Variants in TCF4 observed in about 807,000 individuals in gnomAD.
TCF4 encodes SL3-3 enhancer factor 2.
A neutral mutation model predicts 82.1 loss-of-function variants in TCF4; 3 were observed. The observed-to-expected ratio is 0.04, with a 90% CI of 0.02 to 0.09. The LOEUF (loss-of-function observed/expected upper bound fraction) is 0.09, where lower values mean the gene tolerates loss of function less well. Ranked by LOEUF, TCF4 falls within the 10% of genes least tolerant of loss-of-function variation. The pLI, the probability that TCF4 is intolerant of heterozygous loss-of-function variation, is 1.00. For missense variants in TCF4, 518 were observed against 852.7 expected (o/e 0.61, Z 4.89); for synonymous variants, 276 against 309.6 (o/e 0.89, Z 1.14).
chr18:55,357,637 C>T (rs2083905885), intron 6 of TCF4, among the ~76,000 whole-genome samples: 1 of 152,164 alleles, frequency 6.6e-6, no homozygotes, highest in African/African-American at 2.4e-5. Flanking sequence ...AAAGGCATAT[C>T]AAACTGTCAC....
At chr18:55,528,761 GA>G (rs2097022922) in intron 3 of TCF4, among the ~76,000 whole-genome samples, 1 of 152,116 alleles carries the variant, frequency 6.6e-6, no homozygotes, top group African/African-American at 2.4e-5. Flanking sequence ...ATTCCAAAAA[GA>G]ATCTGAATGA....
chr18:55,292,762 GTA>G (rs1040347038), intron 8 of TCF4, among the ~76,000 whole-genome samples: 3 of 151,118 alleles, frequency 2.0e-5, no homozygotes, highest in Non-Finnish European at 4.4e-5. Context: ...ACATATATAC[GTA>G]TATATGTATA....
At chr18:55,431,620 C>A (rs1405094371) in intron 5 of TCF4, among the ~76,000 whole-genome samples, 1 of 152,078 alleles carries the variant, frequency 6.6e-6, no homozygotes, top group Non-Finnish European at 1.5e-5. Context: ...TGAGGACTAC[C>A]TGACCCATGC....
intron 5 of TCF4, among the ~76,000 whole-genome samples, chr18:55,441,315 A>G (rs781782306): frequency 4.6e-5 from 7 of 152,252 alleles, no homozygotes; most frequent in Non-Finnish European, 8.8e-5. Flanking sequence ...CCTTTGTTTC[A>G]GATAAAACTT....
intron 3 of TCF4, 54 bp from the exon 4 acceptor site, chr18:55,464,191 G>C: frequency 6.9e-7 from 1 of 1,455,350 alleles, no homozygotes; most frequent in South Asian, 1.1e-5. Context: ...TTTTCTTTTT[G>C]TATATGCACT....
At chr18:55,608,281 G>A (rs1233275245) in intron 2 of TCF4, among the ~76,000 whole-genome samples, 2 of 151,714 alleles carry the variant, frequency 1.3e-5, no homozygotes, top group African/African-American at 4.8e-5. Context: ...ACGTTAAATG[G>A]TCAACCATCT....
chr18:55,562,451 G>A (rs930225004), intron 3 of TCF4, among the ~76,000 whole-genome samples: 99 of 152,304 alleles, frequency 6.5e-4, no homozygotes, highest in African/African-American at 2.3e-3. Context: ...TTGAACCAGT[G>A]TCCTGCCAGT....
At chr18:55,265,685 C>G (rs1600719105) in intron 11 of TCF4, 1 of 152,114 alleles carries the variant, frequency 6.6e-6, no homozygotes, top group South Asian at 2.1e-4. Flanking sequence ...TATGTGACTA[C>G]TCTAATAATA....
intron 1 of TCF4, among the ~76,000 whole-genome samples, chr18:55,635,308 A>G (rs1431235754): frequency 6.6e-6 from 1 of 152,140 alleles, no homozygotes; most frequent in Non-Finnish European, 1.5e-5. Flanking sequence ...CAGGAATTCG[A>G]GGCCAGCCCA....
At chr18:55,549,461 A>C (rs562392703) in intron 3 of TCF4, among the ~76,000 whole-genome samples, 1 of 152,324 alleles carries the variant, frequency 6.6e-6, no homozygotes, top group South Asian at 2.1e-4. Context: ...AGCTGCACAA[A>C]ACATTTTTCT....
rs541424806 is a variant in TCF4, at chr18:55,398,645, C to T, written c.369+4809G>A. On this transcript the variant is annotated intron_variant, in intron 6 of 19. Coordinates refer to ENST00000354452, the MANE Select transcript of TCF4 (RefSeq NM_001083962.2). The stretch of plus-strand genomic sequence containing the variant: ...TGGGAGAGTGCAGTTTTCTGGTTTT[C>T]GTAGGCATGAAAAAGATGCTCACAA... Among the ~76,000 whole-genome samples the T allele has an allele frequency of 5.3e-5, 8 of 152,210 alleles. No homozygotes were observed. In the South Asian group the frequency reaches 1.0e-3, roughly 20 times the overall value.
chr18:55,302,413 T>C (rs2068609941), intron 8 of TCF4: 1 of 1,536,354 alleles, frequency 6.5e-7, no homozygotes, highest in African/African-American at 1.4e-5. Context: ...ACTCTGACCT[T>C]ACCTCTGCTT....
intron 3 of TCF4, among the ~76,000 whole-genome samples, chr18:55,488,818 C>T (rs1351988182): frequency 2.0e-5 from 3 of 152,104 alleles, no homozygotes; most frequent in African/African-American, 4.8e-5. Context: ...GTAGCTTCCA[C>T]GTAAAGAAGA....
intron 6 of TCF4, among the ~76,000 whole-genome samples, chr18:55,389,549 G>A (rs1383336920): frequency 6.6e-6 from 1 of 152,162 alleles, no homozygotes; most frequent in African/African-American, 2.4e-5. Context: ...AGAAGGGGAG[G>A]CAAGGCAAAG....
chr18:55,384,027 C>T (rs757681935), intron 6 of TCF4: 25 of 152,202 alleles, frequency 1.6e-4, no homozygotes, highest in Admixed American at 6.5e-5. Context: ...CTCATGTCTT[C>T]CTCTACTAAG....
chr18:55,610,703 G>A (rs1012181459), intron 2 of TCF4, among the ~76,000 whole-genome samples: 2 of 152,198 alleles, frequency 1.3e-5, no homozygotes, highest in Admixed American at 1.3e-4. Flanking sequence ...ACCCAGGGAA[G>A]TGGTTCACAT....
chr18:55,340,944 C>A (rs1021571799), intron 8 of TCF4, among the ~76,000 whole-genome samples: 1 of 152,156 alleles, frequency 6.6e-6, no homozygotes, highest in African/African-American at 2.4e-5. Context: ...CATACTCTAA[C>A]CACTATATTA....
At chr18:55,263,309 T>C (rs2058434214) in intron 11 of TCF4, among the ~76,000 whole-genome samples, 1 of 152,160 alleles carries the variant, frequency 6.6e-6, no homozygotes, top group Admixed American at 6.5e-5. Flanking sequence ...AAGCAAGTTC[T>C]TTGAAATGAG....
At chr18:55,382,865 C>T (rs2092137409) in intron 6 of TCF4, among the ~76,000 whole-genome samples, 1 of 152,238 alleles carries the variant, frequency 6.6e-6, no homozygotes, top group African/African-American at 2.4e-5. Context: ...TCTCCTTCCT[C>T]ATTACCTATT....
Sources: allele counts gnomAD v4.1 joint callset (sites outside exome capture counted in the v4.1 genomes callset), GRCh38; gene constraint gnomAD v4.1.1; transcripts MANE v1.5; gene names NCBI Gene and HGNC (gene_info 2026-07-23, HGNC 2026-07-21).